The following AMBRA1 variants were observed in gnomAD, a reference collection of about 807,000 sequenced individuals.
AMBRA1 encodes the protein autophagy and beclin 1 regulator 1, also known as activating molecule in BECN1-regulated autophagy protein 1.
Under a neutral mutation model 125.4 loss-of-function variants are expected in AMBRA1, and 47 were observed. The ratio of observed to expected loss-of-function variants is 0.37; its 90% CI spans 0.30 to 0.48. The LOEUF (loss-of-function observed/expected upper bound fraction) is 0.48. Ranked by LOEUF, AMBRA1 falls within the 20% of genes least tolerant of loss-of-function variation. The pLI is 0.99. For synonymous variants in AMBRA1, 626 were observed against 655.5 expected, an observed-to-expected ratio of 0.95 and a Z score of 0.69; for missense variants, 1,331 against 1,693.4, an observed-to-expected ratio of 0.79 and a Z score of 3.76.
At chr11:46,459,260 A>C (rs1337557086) in intron 11 of AMBRA1, among the ~76,000 whole-genome samples, 1 of 152,198 alleles carries the variant, frequency 6.6e-6, no homozygotes, top group African/African-American at 2.4e-5. Context: ...ATAGAAAAAA[A>C]CTTGGAAAGA....
At chr11:46,449,542 C>A (rs149216789) in intron 11 of AMBRA1, among the ~76,000 whole-genome samples, 1 of 152,262 alleles carries the variant, frequency 6.6e-6, no homozygotes, top group Non-Finnish European at 1.5e-5. Context: ...ACTAAATTAG[C>A]GAGATATTCC....
chr11:46,541,943 A>G lies in AMBRA1; in HGVS notation c.2072+2T>C, dbSNP rs202076417. On this transcript the variant is annotated splice_donor_variant, in intron 7 of 17. Transcript: ENST00000683756. LOFTEE classifies it high-confidence loss of function. The stretch of plus-strand genomic sequence containing the variant: ...GCAGAAGATAGGAAAGCGACTGCTT[A>G]CCTCCTGAGTGAATCCTCCTCAGAG... 52 of 1,603,222 alleles carry G rather than the reference A, an allele frequency of 3.2e-5. No individual in the cohort carries two copies. Among genetic ancestry groups the G allele is most frequent in the Non-Finnish European group, 4.0e-5 (47 of 1,177,442 alleles).
chr11:46,529,931 C>T (rs1422060269), intron 7 of AMBRA1, among the ~76,000 whole-genome samples: 1 of 152,108 alleles, frequency 6.6e-6, no homozygotes, highest in African/African-American at 2.4e-5. Flanking sequence ...CCTGGGCCCA[C>T]CCCCCAACCA....
intron 17 of AMBRA1, among the ~76,000 whole-genome samples, chr11:46,405,468 C>T (rs1296600576): frequency 6.6e-6 from 1 of 152,128 alleles, no homozygotes; most frequent in Non-Finnish European, 1.5e-5. Flanking sequence ...CCTGTAATTC[C>T]AGCACTTTGG....
intron 14 of AMBRA1, among the ~76,000 whole-genome samples, chr11:46,421,815 T>C (rs986099495): frequency 6.6e-5 from 10 of 152,194 alleles, no homozygotes; most frequent in African/African-American, 2.4e-4. Flanking sequence ...TCATCAGTCT[T>C]TCTAACCCAG....
chr11:46,434,634 G>C (rs538241363), intron 13 of AMBRA1, among the ~76,000 whole-genome samples: 14 of 152,132 alleles, frequency 9.2e-5, no homozygotes, highest in Admixed American at 7.2e-4. Flanking sequence ...CCTGACCGTC[G>C]TAACAGGGGC....
intron 8 of AMBRA1, 93 bp from the exon 9 acceptor site, chr11:46,508,463 T>G (rs959800517): frequency 5.4e-6 from 7 of 1,297,082 alleles, no homozygotes; most frequent in Non-Finnish European, 6.4e-6. Flanking sequence ...GGCATCTCCC[T>G]GCTGAGGTGA....
chr11:46,443,399 GAAA>G, intron 12 of AMBRA1, 86 bp downstream of exon 12: 1 of 1,029,740 alleles, frequency 9.7e-7, no homozygotes, highest in South Asian at 1.4e-5. Context: ...ATAGGATGAT[GAAA>G]AACCCAGTGC....
chr11:46,422,434 C>A (rs1313147326), intron 14 of AMBRA1, among the ~76,000 whole-genome samples: 2 of 152,104 alleles, frequency 1.3e-5, no homozygotes, highest in Non-Finnish European at 2.9e-5. Flanking sequence ...AATGATTGCT[C>A]CACTTCTGGT....
intron 5 of AMBRA1, among the ~76,000 whole-genome samples, 194 bp downstream of exon 5, chr11:46,545,410 C>T (rs1952970399): frequency 6.6e-6 from 1 of 151,954 alleles, no homozygotes; most frequent in South Asian, 2.1e-4. Flanking sequence ...CGCAGTGAGA[C>T]AAGACTGCGC....
intron 1 of AMBRA1, among the ~76,000 whole-genome samples, chr11:46,553,882 C>T (rs1333656300): frequency 1.3e-5 from 2 of 152,168 alleles, no homozygotes; most frequent in African/African-American, 4.8e-5. Context: ...CTTATTAGTG[C>T]ATAAATATGT....
At chr11:46,557,564 G>C (rs1335940181) in intron 1 of AMBRA1, among the ~76,000 whole-genome samples, 1 of 151,938 alleles carries the variant, frequency 6.6e-6, no homozygotes, top group Non-Finnish European at 1.5e-5. Flanking sequence ...TCCCTGCCCT[G>C]GGAGGTTGAG....
rs536212107 is a variant in AMBRA1 at position 46,539,075 on chromosome 11, A to G, written c.2072+2870T>C. ...TCTAGAAAATCTAGTGGTTACAGAC[A>G]AAATTATCTGATATCTAGGTGCCGG... is the stretch of plus-strand genomic sequence containing the variant. On this transcript the variant is annotated intron_variant, in intron 7 of 17. Coordinates refer to ENST00000683756, the MANE Select transcript of AMBRA1 (RefSeq NM_001387011.1). Among the ~76,000 whole-genome samples the G allele has an allele frequency of 2.0e-5, 3 of 151,810 alleles. No individual in the cohort carries two copies. The South Asian group carries it at 6.2e-4, about 32-fold the overall frequency.
intron 3 of AMBRA1, 68 bp downstream of exon 3, chr11:46,547,749 C>T: frequency 6.7e-7 from 1 of 1,491,420 alleles, no homozygotes; most frequent in Non-Finnish European, 9.2e-7. Context: ...CTTGGAAGAT[C>T]AAGCCAGGCC....
In AMBRA1 at chr11:46,543,005, T is replaced by TA. The variant is rs779986008; in HGVS notation, c.1011dup (p.Thr338TyrfsTer64). On this transcript the variant is annotated frameshift_variant, in exon 7 of 18. Transcript: ENST00000683756. LOFTEE classifies it high-confidence loss of function. ...GTCTGTACAAAAGAAAAGGAAGGGG[T>TA]AGTAGCTCTGGCAGAAGCAGGGGGG... 6.3e-7 allele frequency: 1 copy of TA among 1,599,638 alleles called. No homozygotes were observed. Among genetic ancestry groups the TA allele is most frequent in the Non-Finnish European group, 8.5e-7 (1 of 1,179,706 alleles).
rs775761468 is a variant in AMBRA1 at position 46,545,656 on chromosome 11, G to T, written c.499C>A (p.Arg167=). 1 of 1,614,092 alleles carries T rather than the reference G, an allele frequency of 6.2e-7. No homozygotes were observed. Among genetic ancestry groups the T allele is most frequent in the African/African-American group, 1.3e-5 (1 of 75,022 alleles). The change falls in exon 5 of 18, where the codon CGA becomes AGA. Residue 167 remains arginine (R), a synonymous_variant. Transcript: ENST00000683756. ...ANEIHFWDWS[R]REPFAVVKTA... ...TTCACCACAGCAAAGGGTTCCCGTC[G>T]ACTCCAGTCCCAGAAGTGGATCTCA...
intron 1 of AMBRA1, among the ~76,000 whole-genome samples, chr11:46,560,256 T>C (rs779010064): frequency 9.2e-5 from 14 of 152,222 alleles, no homozygotes; most frequent in African/African-American, 2.9e-4. Flanking sequence ...GTTTTTTATA[T>C]ATAAACTCAA....
chr11:46,585,878 TCAC>T (rs1352381353), intron 1 of AMBRA1, among the ~76,000 whole-genome samples: 1 of 148,490 alleles, frequency 6.7e-6, no homozygotes, highest in Non-Finnish European at 1.5e-5. Flanking sequence ...TGATCTCAGC[TCAC>T]CACAACCTCC....
intron 7 of AMBRA1, among the ~76,000 whole-genome samples, chr11:46,532,929 T>A (rs1398553220): frequency 6.6e-6 from 1 of 152,058 alleles, no homozygotes; most frequent in East Asian, 1.9e-4. Flanking sequence ...AACACTTAAG[T>A]ACACAAAGAT....
Sources: allele counts gnomAD v4.1 joint callset (sites outside exome capture counted in the v4.1 genomes callset), GRCh38; gene constraint gnomAD v4.1.1; transcripts MANE v1.5; gene names NCBI Gene and HGNC (gene_info 2026-07-23, HGNC 2026-07-21).